ADAMTS17: variants seen among roughly 807,000 people sequenced by gnomAD.
ADAMTS17 encodes the protein ADAM metallopeptidase with thrombospondin type 1 motif 17, also known as A disintegrin and metalloproteinase with thrombospondin motifs 17.
In ADAMTS17, 113 loss-of-function variants were observed where a neutral mutation model predicts 141.5. The observed-to-expected ratio is 0.80, with a 90% CI of 0.69 to 0.93. ADAMTS17 has a LOEUF of 0.93. Ranked by LOEUF, ADAMTS17 falls within the 40% of genes least tolerant of loss-of-function variation. ADAMTS17 has a pLI of 0.00. For synonymous variants in ADAMTS17, 768 were observed against 630.6 expected (o/e 1.22, Z -3.27); for missense variants, 1,659 against 1,517.9 (o/e 1.09, Z -1.54).
chr15:100,164,483 C>A (rs1379721323), intron 8 of ADAMTS17, among the ~76,000 whole-genome samples: 1 of 152,184 alleles, frequency 6.6e-6, no homozygotes, highest in Admixed American at 6.5e-5. Flanking sequence ...TTTACATTCT[C>A]TAAGGGAATA....
chr15:100,001,994 C>CAAAAAAAAAAAAAAAAAAAA (rs71151931), intron 18 of ADAMTS17, among the ~76,000 whole-genome samples: 1 of 58,384 alleles, frequency 1.7e-5, no homozygotes, highest in Non-Finnish European at 3.1e-5. Flanking sequence ...AGGCCAAACC[C>CAAAAAAAAAAAAAAAAAAAA]AAAAAAAAAA....
chr15:100,086,988 G>C (rs913090620), intron 15 of ADAMTS17, among the ~76,000 whole-genome samples: 5 of 151,998 alleles, frequency 3.3e-5, no homozygotes, highest in African/African-American at 1.2e-4. Context: ...AAATAACTAA[G>C]ATCAGAGCAG....
At chr15:100,058,285 C>CCGT (rs2032798957) in intron 15 of ADAMTS17, among the ~76,000 whole-genome samples, 1 of 82,128 alleles carries the variant, frequency 1.2e-5, no homozygotes, top group African/African-American at 4.2e-5. Context: ...CCGGCTCTAA[C>CCGT]CCTCCTATCC....
At chr15:100,140,219 C>G (rs538979438) in intron 10 of ADAMTS17, among the ~76,000 whole-genome samples, 1 of 152,032 alleles carries the variant, frequency 6.6e-6, no homozygotes, top group Non-Finnish European at 1.5e-5. Context: ...TGGTCTCAAA[C>G]CCCTAACCTC....
In ADAMTS17 at chr15:100,001,438, C is replaced by T. The variant is rs117883104; in HGVS notation, c.2592-3849G>A. Among the ~76,000 whole-genome samples the T allele has an allele frequency of 3.6e-3, 545 of 150,476 alleles. 3 individuals carry two copies. Among genetic ancestry groups the T allele is most frequent in the Non-Finnish European group, 6.7e-3 (456 of 67,828 alleles). ...GAAACTGCTTTGTATGATGCTATAACGGTGGAAACATGTCATAAATCTGTC... is the reference window on the plus strand; with the variant it reads ...GAAACTGCTTTGTATGATGCTATAATGGTGGAAACATGTCATAAATCTGTC... On this transcript the variant is annotated intron_variant, in intron 18 of 21. Transcript: ENST00000268070.
At chr15:100,075,158 C>A (rs1398868426) in intron 15 of ADAMTS17, among the ~76,000 whole-genome samples, 1 of 152,094 alleles carries the variant, frequency 6.6e-6, no homozygotes, top group Non-Finnish European at 1.5e-5. Flanking sequence ...TATGGTGCAT[C>A]CTACTTTCTC....
intron 17 of ADAMTS17, among the ~76,000 whole-genome samples, chr15:100,050,705 A>G (rs1167321282): frequency 6.6e-6 from 1 of 152,228 alleles, no homozygotes; most frequent in Non-Finnish European, 1.5e-5. Flanking sequence ...GGCGGGGGCT[A>G]TGCCCGGGGT....
chr15:99,999,475 CAG>C (rs1282144646), intron 18 of ADAMTS17, among the ~76,000 whole-genome samples: 10 of 151,784 alleles, frequency 6.6e-5, no homozygotes. Context: ...GCTTCCAAGG[CAG>C]AGGTCACAGG....
At position 99,976,145 on chromosome 15, in the gene ADAMTS17, G is replaced by A. The variant is rs1053990191; in HGVS notation, c.3027C>T (p.Ser1009=). Reference sequence around the variant, plus strand: ...CAGGCTTCGAGAGGGCGGGGCACTCGCTGCCGTGGCGCCCTGTGACCTTGT... The same window carrying A: ...CAGGCTTCGAGAGGGCGGGGCACTCACTGCCGTGGCGCCCTGTGACCTTGT... ...CMHKVTGRHG[S]ECPALSKPAP... Residue 1009 remains serine (S), a synonymous_variant, in exon 21 of 22, where the codon AGC becomes AGT. Coordinates refer to ENST00000268070, the MANE Select transcript of ADAMTS17 (RefSeq NM_139057.4). The A allele has an allele frequency of 2.4e-5, 37 of 1,550,694 alleles. No individual in the cohort carries two copies. The highest frequency in any genetic ancestry group is 5.5e-5 in the African/African-American group (4 of 73,070).
intron 15 of ADAMTS17, among the ~76,000 whole-genome samples, chr15:100,090,321 T>C (rs2140989635): frequency 6.6e-6 from 1 of 152,266 alleles, no homozygotes; most frequent in East Asian, 1.9e-4. Context: ...GATCCGCTTG[T>C]GGGGGATGAG....
At position 100,181,515 on chromosome 15, in the gene ADAMTS17, C is replaced by G. The variant is rs540701950; in HGVS notation, c.1181+17803G>C. On this transcript the variant is annotated intron_variant, in intron 8 of 21. Coordinates refer to ENST00000268070, the MANE Select transcript of ADAMTS17 (RefSeq NM_139057.4). ...GATTATTCAGGGCTGACTAGGGGCT[C>G]TTTAGCCAGCAAGTTATGAATGATG... Among the ~76,000 whole-genome samples the G allele has an allele frequency of 2.0e-5, 3 of 152,334 alleles. No homozygotes were observed. In the South Asian group the frequency reaches 6.2e-4, roughly 32 times the overall value.
chr15:100,153,822 C>T (rs2039304013), intron 9 of ADAMTS17, among the ~76,000 whole-genome samples: 2 of 152,148 alleles, frequency 1.3e-5, no homozygotes, highest in South Asian at 4.1e-4. Context: ...ACAGACTGAT[C>T]CTGGTTTACT....
chr15:100,240,677 C>G (rs761489056), intron 7 of ADAMTS17, among the ~76,000 whole-genome samples: 5 of 152,246 alleles, frequency 3.3e-5, no homozygotes, highest in Non-Finnish European at 7.3e-5. Flanking sequence ...ACCCAGAACT[C>G]AGTCCTTTTC....
At chr15:100,202,574 G>C (rs775203921) in intron 7 of ADAMTS17, among the ~76,000 whole-genome samples, 2 of 152,160 alleles carry the variant, frequency 1.3e-5, no homozygotes, top group Non-Finnish European at 1.5e-5. Context: ...TAAGAGCTGT[G>C]GGGGGAGTAA....
chr15:100,076,804 A>C (rs76399633), intron 15 of ADAMTS17, among the ~76,000 whole-genome samples: 1 of 152,198 alleles, frequency 6.6e-6, no homozygotes, highest in Non-Finnish European at 1.5e-5. Context: ...ATAGCATAGT[A>C]TTTTCATATT....
chr15:100,291,834 T>C (rs1358508570), intron 3 of ADAMTS17, among the ~76,000 whole-genome samples: 1 of 152,358 alleles, frequency 6.6e-6, no homozygotes, highest in East Asian at 1.9e-4. Flanking sequence ...TCGGGTACTA[T>C]GCTTATTTAC....
At chr15:100,201,506 A>G (rs901445571) in intron 7 of ADAMTS17, among the ~76,000 whole-genome samples, 1 of 152,242 alleles carries the variant, frequency 6.6e-6, no homozygotes, top group East Asian at 1.9e-4. Flanking sequence ...GCATGAAAAC[A>G]GACTAATACA....
intron 18 of ADAMTS17, among the ~76,000 whole-genome samples, chr15:100,027,965 C>G (rs2061548439): frequency 6.6e-6 from 1 of 152,064 alleles, no homozygotes; most frequent in Non-Finnish European, 1.5e-5. Flanking sequence ...GTCTCCTGAC[C>G]CCATGGCAGT....
At chr15:100,236,562 C>G (rs552028913) in intron 7 of ADAMTS17, among the ~76,000 whole-genome samples, 7 of 151,980 alleles carry the variant, frequency 4.6e-5, no homozygotes, top group African/African-American at 1.7e-4. Context: ...AACAAAAAAA[C>G]GGCAGTAGCT....
Sources: allele counts gnomAD v4.1 joint callset (sites outside exome capture counted in the v4.1 genomes callset), GRCh38; gene constraint gnomAD v4.1.1; transcripts MANE v1.5; gene names NCBI Gene and HGNC (gene_info 2026-07-23, HGNC 2026-07-21).